VEGFC: variants seen among roughly 807,000 people sequenced by gnomAD.
VEGFC encodes vascular endothelial growth factor C, also known as FLT4 ligand DHM.
In VEGFC, 12 loss-of-function variants were observed where a neutral mutation model predicts 46.1. The ratio of observed to expected loss-of-function variants is 0.26; its 90% confidence interval spans 0.17 to 0.42. The LOEUF is 0.42. Ranked by LOEUF, VEGFC falls within the 10% of genes least tolerant of loss-of-function variation. The pLI, the probability that VEGFC is intolerant of heterozygous loss-of-function variation, is 1.00. For synonymous variants in VEGFC, 232 were observed against 195.5 expected, an observed-to-expected ratio of 1.19 and a Z score of -1.56; for missense variants, 488 against 529.4, an observed-to-expected ratio of 0.92 and a Z score of 0.77.
intron 1 of VEGFC, among the ~76,000 whole-genome samples, chr4:176,736,561 T>C (rs1379511871): frequency 6.6e-6 from 1 of 151,770 alleles, no homozygotes; most frequent in Non-Finnish European, 1.5e-5. Flanking sequence ...TAATGCTTAG[T>C]ACACGTAACA....
chr4:176,754,892 C>T (rs1248748925), intron 1 of VEGFC, among the ~76,000 whole-genome samples: 1 of 152,056 alleles, frequency 6.6e-6, no homozygotes, highest in Admixed American at 6.6e-5. Context: ...CTAAAGAGAA[C>T]TGTTATATAT....
intron 3 of VEGFC, among the ~76,000 whole-genome samples, chr4:176,715,069 T>A (rs959737136): frequency 4.6e-5 from 7 of 152,148 alleles, no homozygotes; most frequent in African/African-American, 7.2e-5. Context: ...AATGGAAGAC[T>A]TTTTTACAGT....
chr4:176,757,185 T>C lies in VEGFC; in HGVS notation c.148-27439A>G, dbSNP rs548246708. On this transcript the variant is annotated intron_variant, in intron 1 of 6. Coordinates refer to ENST00000618562, the MANE Select transcript of VEGFC (RefSeq NM_005429.5). ...ATTAATTATTCCTTATTCATACTTT[T>C]TTTTCTAGGCACCATTCATAATCTA... Among the ~76,000 whole-genome samples the C allele has an allele frequency of 1.1e-4, 16 of 152,152 alleles. 1 individual carries two copies. In the South Asian group the frequency reaches 3.3e-3, roughly 32 times the overall value.
chr4:176,738,227 AG>A (rs1287866905), intron 1 of VEGFC, among the ~76,000 whole-genome samples: 3 of 152,098 alleles, frequency 2.0e-5, no homozygotes, highest in Non-Finnish European at 4.4e-5. Context: ...GAATCAAAAA[AG>A]AGCCCAGATA....
intron 1 of VEGFC, among the ~76,000 whole-genome samples, chr4:176,743,601 G>A (rs564595145): frequency 1.3e-5 from 2 of 149,678 alleles, no homozygotes; most frequent in East Asian, 3.9e-4. Context: ...TATAAATTAT[G>A]AAATATATAA....
intron 1 of VEGFC, among the ~76,000 whole-genome samples, chr4:176,765,831 G>A (rs1456565776): frequency 1.3e-5 from 2 of 152,048 alleles, no homozygotes; most frequent in East Asian, 3.9e-4. Context: ...GGGATTACAG[G>A]AGTGAGCCAC....
chr4:176,697,823 A>G (rs1734348573), intron 4 of VEGFC, among the ~76,000 whole-genome samples: 1 of 150,290 alleles, frequency 6.7e-6, no homozygotes, highest in Admixed American at 6.8e-5. Flanking sequence ...TGATGAGTTC[A>G]TGTCCTTTGT....
rs1469614398 is a variant in VEGFC at position 176,727,913 on chromosome 4, A to C, written c.417T>G (p.Asp139Glu). 1 of 1,613,830 alleles carries C rather than the reference A, an allele frequency of 6.2e-7. No homozygotes were observed. Among genetic ancestry groups the C allele is most frequent in the Admixed American group, 1.7e-5 (1 of 59,980 alleles). Residue 139 changes from aspartate (D) to glutamate (E), a missense_variant, in exon 3 of 7, where the codon GAT becomes GAG. Coordinates refer to ENST00000618562, the MANE Select transcript of VEGFC (RefSeq NM_005429.5). ...TQCMPREVCI[D>E]VGKEFGVATN... Reference sequence around the variant, plus strand: ...TCGCGACTCCAAACTCCTTCCCCACATCTATACACACCTCCCGTGGCATGC... The same window carrying C: ...TCGCGACTCCAAACTCCTTCCCCACCTCTATACACACCTCCCGTGGCATGC...
intron 1 of VEGFC, among the ~76,000 whole-genome samples, chr4:176,769,124 G>A (rs6811409): frequency 0.83 from 125,555 of 152,088 alleles, 53,404 homozygotes; most frequent in East Asian, 1. Context: ...TGAGGGGGAC[G>A]TGCAACAAGG....
At chr4:176,692,966 A>C (rs1639250043) in intron 4 of VEGFC, among the ~76,000 whole-genome samples, 3 of 150,004 alleles carry the variant, frequency 2.0e-5, no homozygotes, top group Non-Finnish European at 4.4e-5. Context: ...CCACACCGAA[A>C]ACCCATCTGT....
chr4:176,778,646 T>C (rs1383075673), intron 1 of VEGFC, among the ~76,000 whole-genome samples: 1 of 152,150 alleles, frequency 6.6e-6, no homozygotes, highest in Non-Finnish European at 1.5e-5. Context: ...CAACTAAAGA[T>C]TTATAAGGGC....
chr4:176,689,607 AT>A (rs900517537), intron 4 of VEGFC: 1 of 152,184 alleles, frequency 6.6e-6, no homozygotes, highest in Non-Finnish European at 1.5e-5. Context: ...GCAATGACTG[AT>A]TTGACCTTTC....
chr4:176,732,980 C>T (rs1734992884), intron 1 of VEGFC, among the ~76,000 whole-genome samples: 1 of 151,700 alleles, frequency 6.6e-6, no homozygotes, highest in Non-Finnish European at 1.5e-5. Context: ...ATCAAACTCA[C>T]CAAAGAAGAT....
chr4:176,692,786 G>A (rs571140853), intron 4 of VEGFC, among the ~76,000 whole-genome samples: 7 of 147,256 alleles, frequency 4.8e-5, no homozygotes, highest in Admixed American at 2.0e-4. Context: ...ATCTGAGAAC[G>A]GGCAGACTGC....
chr4:176,755,964 T>C (rs563998618), intron 1 of VEGFC, among the ~76,000 whole-genome samples: 5 of 152,122 alleles, frequency 3.3e-5, no homozygotes, highest in Admixed American at 2.6e-4. Flanking sequence ...TTTATAGATA[T>C]ATTAGTTGAT....
At chr4:176,688,070 C>T (rs773866618) in intron 4 of VEGFC, 143 bp from the exon 5 acceptor site, 3 of 539,236 alleles carry the variant, frequency 5.6e-6, no homozygotes, top group Non-Finnish European at 9.8e-6. Context: ...AATGTTTTCT[C>T]CCAAACTCTC....
chr4:176,718,618 T>A (rs1361458177), intron 3 of VEGFC, among the ~76,000 whole-genome samples: 1 of 152,134 alleles, frequency 6.6e-6, no homozygotes, highest in African/African-American at 2.4e-5. Context: ...CAGAATTAGC[T>A]CATAGCAAGC....
At chr4:176,772,576 T>C (rs1735741146) in intron 1 of VEGFC, among the ~76,000 whole-genome samples, 1 of 152,214 alleles carries the variant, frequency 6.6e-6, no homozygotes, top group Non-Finnish European at 1.5e-5. Context: ...AGCGTGAATG[T>C]GTTCCCCAAA....
At chr4:176,734,313 C>T (rs1487161115) in intron 1 of VEGFC, among the ~76,000 whole-genome samples, 1 of 151,512 alleles carries the variant, frequency 6.6e-6, no homozygotes, top group African/African-American at 2.4e-5. Context: ...AGGTGAAATC[C>T]ACATGGTGTT....
Sources: gnomAD v4.1 joint callset for allele counts (sites outside exome capture counted in the v4.1 genomes callset) on GRCh38, gnomAD v4.1.1 for gene constraint, MANE v1.5 for transcripts, NCBI Gene and HGNC (gene_info 2026-07-23, HGNC 2026-07-21) for gene names.